The following CNKSR2 variants were observed in gnomAD, a reference collection of about 807,000 sequenced individuals.
CNKSR2 encodes CNK homolog protein 2.
In CNKSR2, 14 loss-of-function variants were observed where a neutral mutation model predicts 84.4. The ratio of observed to expected loss-of-function variants is 0.17; its 90% CI spans 0.11 to 0.26. The LOEUF (loss-of-function observed/expected upper bound fraction) is 0.26. Among genes scored for constraint, CNKSR2 ranks in the 10% least tolerant of loss-of-function variants. The pLI is 1.00. For missense variants in CNKSR2, 485 were observed against 771.2 expected (o/e 0.63, Z 4.40); for synonymous variants, 275 against 277.9 (o/e 0.99, Z 0.10).
chrX:21,412,716 T>G (rs1234579341), intron 1 of CNKSR2, among the ~76,000 whole-genome samples: 1 of 111,891 alleles, frequency 8.9e-6, no homozygotes, highest in African/African-American at 3.2e-5. Flanking sequence ...TGTAAAATAG[T>G]AACTTACAGC....
intron 8 of CNKSR2, among the ~76,000 whole-genome samples, chrX:21,513,088 G>A (rs761021982): frequency 2.1e-4 from 23 of 112,049 alleles, no homozygotes; most frequent in South Asian, 3.7e-4. Context: ...TGATGCTTGC[G>A]ATTATTCGGT....
chrX:21,639,908 A>G (rs1250700685), intron 20 of CNKSR2, among the ~76,000 whole-genome samples: 1 of 111,134 alleles, frequency 9.0e-6, no homozygotes, highest in Non-Finnish European at 1.9e-5. Context: ...AAGCACCTCC[A>G]CCCCCATCCT....
chrX:21,437,459 G>C, intron 3 of CNKSR2, among the ~76,000 whole-genome samples: 1 of 89,508 alleles, frequency 1.1e-5, no homozygotes. Context: ...TCACTCTGTC[G>C]CCCAGCCTAG....
At chrX:21,523,896 C>G (rs2091809200) in intron 9 of CNKSR2, among the ~76,000 whole-genome samples, 2 of 110,364 alleles carry the variant, frequency 1.8e-5, no homozygotes, top group South Asian at 7.5e-4. Context: ...TGATTTTTTA[C>G]TCTTTCAATT....
At chrX:21,558,081 T>C (rs1329570418) in intron 11 of CNKSR2, among the ~76,000 whole-genome samples, 1 of 111,762 alleles carries the variant, frequency 8.9e-6, no homozygotes, top group Non-Finnish European at 1.9e-5. Context: ...CATTGAATCA[T>C]AGATTTATCT....
rs1207251424 is a variant in CNKSR2, at chrX:21,384,597, TGTGAAGGAAAG to T, written c.64+9639_64+9649del. 4.5e-5 allele frequency among the ~76,000 whole-genome samples: 5 copies of T among 111,998 alleles called. No homozygotes were observed. In the Admixed American group the frequency reaches 4.8e-4, roughly 11 times the overall value. ...CTCCTATTGAAGATTACTGTTAATA[TGTGAAGGAAAG>T]GTTTGCTGATCAATCTAATAATGCA... On this transcript the variant is annotated intron_variant, in intron 1 of 21. Transcript: ENST00000379510.
At chrX:21,551,527 A>G (rs1033078258) in intron 11 of CNKSR2, among the ~76,000 whole-genome samples, 2 of 112,504 alleles carry the variant, frequency 1.8e-5, no homozygotes, top group African/African-American at 6.5e-5. Context: ...ACTAGATGAA[A>G]TAGTGTTCCC....
rs1322245482 is a variant in CNKSR2 at position 21,403,957 on chromosome X, AT to A, written c.65-22538del. ...TAAGTAACTACTTCCAAAAAATAGC[AT>A]TGTATAGCAAACAGTTCCACATGGG... On this transcript the variant is annotated intron_variant, in intron 1 of 21. Coordinates refer to ENST00000379510, the MANE Select transcript of CNKSR2 (RefSeq NM_014927.5). Among the ~76,000 whole-genome samples, 24 of 112,314 alleles carry A rather than the reference AT, an allele frequency of 2.1e-4. No individual in the cohort carries two copies. The South Asian group carries it at 8.8e-3, about 41-fold the overall frequency.
At chrX:21,388,701 A>C (rs2090006518) in intron 1 of CNKSR2, among the ~76,000 whole-genome samples, 1 of 111,893 alleles carries the variant, frequency 8.9e-6, no homozygotes, top group Non-Finnish European at 1.9e-5. Flanking sequence ...GAAATGGAGG[A>C]GAAGAGACAA....
chrX:21,532,426 A>G (rs932930175), intron 11 of CNKSR2, among the ~76,000 whole-genome samples: 1 of 110,935 alleles, frequency 9.0e-6, no homozygotes, highest in Non-Finnish European at 1.9e-5. Context: ...TACTGTTAAC[A>G]TGACTTATTT....
At chrX:21,530,738 G>A (rs930769810) in intron 10 of CNKSR2, among the ~76,000 whole-genome samples, 4 of 110,952 alleles carry the variant, frequency 3.6e-5, no homozygotes, top group African/African-American at 1.3e-4. Context: ...TGTTCTAGAA[G>A]ACAAGCTTTT....
intron 20 of CNKSR2, among the ~76,000 whole-genome samples, chrX:21,635,401 T>C (rs770058811): frequency 9.5e-6 from 1 of 105,335 alleles, no homozygotes; most frequent in East Asian, 2.9e-4. Context: ...TGTGTGTGTG[T>C]GTGTGTGTAT....
chrX:21,411,040 T>A (rs186439252), intron 1 of CNKSR2, among the ~76,000 whole-genome samples: 1 of 111,076 alleles, frequency 9.0e-6, no homozygotes, highest in East Asian at 2.8e-4. Context: ...AAACTTTTCT[T>A]TTGTGGAGAT....
intron 1 of CNKSR2, among the ~76,000 whole-genome samples, chrX:21,418,841 TA>T (rs1260018943): frequency 2.6e-4 from 29 of 111,491 alleles, no homozygotes; most frequent in Middle Eastern, 4.6e-3. Flanking sequence ...TTGATTCTTT[TA>T]AATTATTTCA....
intron 10 of CNKSR2, among the ~76,000 whole-genome samples, chrX:21,527,872 A>G (rs146404536): frequency 0.023 from 2,508 of 110,968 alleles, 76 homozygotes; most frequent in African/African-American, 0.076. Flanking sequence ...TAAAAGAACT[A>G]AATTCCTTGT....
intron 9 of CNKSR2, among the ~76,000 whole-genome samples, chrX:21,521,394 T>C (rs908701017): frequency 3.6e-5 from 4 of 111,027 alleles, no homozygotes; most frequent in Admixed American, 2.9e-4. Flanking sequence ...TCAAAGGATC[T>C]AAGTCACATT....
chrX:21,607,308 T>C (rs1037233106), intron 19 of CNKSR2, among the ~76,000 whole-genome samples: 2 of 111,847 alleles, frequency 1.8e-5, no homozygotes, highest in Non-Finnish European at 3.8e-5. Flanking sequence ...ATGTAGCTTT[T>C]TCAGCAGCCA....
intron 5 of CNKSR2, among the ~76,000 whole-genome samples, chrX:21,474,266 G>A (rs954323396): frequency 9.0e-6 from 1 of 111,019 alleles, no homozygotes; most frequent in African/African-American, 3.3e-5. Flanking sequence ...TCTTAGCCTG[G>A]GTTCTTTCTG....
chrX:21,439,200 G>A (rs967277275), intron 3 of CNKSR2, among the ~76,000 whole-genome samples: 4 of 110,721 alleles, frequency 3.6e-5, no homozygotes, highest in Non-Finnish European at 7.6e-5. Context: ...AATTCAACAA[G>A]TTTAAAAGAA....
Sources: gnomAD v4.1 joint callset for allele counts (sites outside exome capture counted in the v4.1 genomes callset) on GRCh38, gnomAD v4.1.1 for gene constraint, MANE v1.5 for transcripts, NCBI Gene and HGNC (gene_info 2026-07-23, HGNC 2026-07-21) for gene names.